The following ADAMTSL3 variants were observed in gnomAD, a reference collection of about 807,000 sequenced individuals.
ADAMTSL3 encodes ADAMTS like 3.
In ADAMTSL3, 128 loss-of-function variants were observed where a neutral mutation model predicts 201.7. The observed-to-expected ratio is 0.63, with a 90% CI of 0.55 to 0.73. The LOEUF is 0.73. ADAMTSL3 is among the 30% of genes least tolerant of loss of function. The probability of loss-of-function intolerance (pLI) is 0.00; values close to 1 mark genes in which losing one functional copy is unlikely to be tolerated. For synonymous variants in ADAMTSL3, 738 were observed against 748.4 expected, an observed-to-expected ratio of 0.99 and a Z score of 0.23; for missense variants, 1,990 against 2,119.6, an observed-to-expected ratio of 0.94 and a Z score of 1.20.
At chr15:83,745,838 A>G (rs547439318) in intron 3 of ADAMTSL3, among the ~76,000 whole-genome samples, 200 of 152,334 alleles carry the variant, frequency 1.3e-3, no homozygotes, top group African/African-American at 4.6e-3. Context: ...ATGCAATCTC[A>G]TAAGTGCCTG....
intron 2 of ADAMTSL3, among the ~76,000 whole-genome samples, chr15:83,702,830 G>T (rs2061795101): frequency 6.6e-6 from 1 of 152,164 alleles, no homozygotes; most frequent in Non-Finnish European, 1.5e-5. Context: ...AGTTCCTACT[G>T]GGGCACTGCC....
At chr15:84,028,621 C>T (rs1419539189) in intron 27 of ADAMTSL3, among the ~76,000 whole-genome samples, 2 of 152,114 alleles carry the variant, frequency 1.3e-5, no homozygotes, top group Non-Finnish European at 2.9e-5. Flanking sequence ...TAAGCATAGT[C>T]ATTTCCGGAC....
At chr15:83,742,953 A>G (rs1029692735) in intron 3 of ADAMTSL3, among the ~76,000 whole-genome samples, 1 of 152,146 alleles carries the variant, frequency 6.6e-6, no homozygotes, top group African/African-American at 2.4e-5. Context: ...TTTTAATTTC[A>G]TTATACTTTC....
intron 19 of ADAMTSL3, among the ~76,000 whole-genome samples, chr15:83,956,338 T>C (rs1229655370): frequency 6.6e-6 from 1 of 152,224 alleles, no homozygotes; most frequent in Non-Finnish European, 1.5e-5. Flanking sequence ...TTCTGCCTTC[T>C]TCAGTGCCTC....
intron 4 of ADAMTSL3, among the ~76,000 whole-genome samples, chr15:83,796,791 C>T (rs1487172526): frequency 1.3e-5 from 2 of 151,958 alleles, no homozygotes; most frequent in Non-Finnish European, 2.9e-5. Context: ...TGAAAGTGGC[C>T]CTGTAAATCA....
intron 15 of ADAMTSL3, among the ~76,000 whole-genome samples, chr15:83,912,528 C>T (rs999367066): frequency 6.6e-6 from 1 of 152,108 alleles, no homozygotes; most frequent in Non-Finnish European, 1.5e-5. Context: ...CAAGATTGTG[C>T]AATATTTCTT....
intron 3 of ADAMTSL3, among the ~76,000 whole-genome samples, chr15:83,716,224 C>T (rs949880053): frequency 1.1e-4 from 17 of 152,104 alleles, no homozygotes; most frequent in African/African-American, 2.2e-4. Context: ...ATTCTTAGGC[C>T]GGGCACGGTA....
In ADAMTSL3 at chr15:84,006,031, T is replaced by A. The variant is rs147967803; in HGVS notation, c.3974-8511T>A. Among the ~76,000 whole-genome samples the A allele has an allele frequency of 1.2e-3, 187 of 152,262 alleles. 2 individuals carry two copies. The highest frequency in any genetic ancestry group is 1.9e-3 in the Non-Finnish European group (131 of 68,020). On this transcript the variant is annotated intron_variant, in intron 23 of 29. Transcript: ENST00000286744. ...GTATTTTTCAAAAAGAACAAAAGGG[T>A]ATGCAGTTAACTCAGAAGAGGAACG...
intron 5 of ADAMTSL3, among the ~76,000 whole-genome samples, chr15:83,810,904 A>G (rs1161661359): frequency 6.6e-6 from 1 of 152,010 alleles, no homozygotes; most frequent in Non-Finnish European, 1.5e-5. Flanking sequence ...ATGCCCAGCT[A>G]ATTTTTGTAT....
At chr15:83,659,209 G>C (rs968821288) in intron 2 of ADAMTSL3, among the ~76,000 whole-genome samples, 1 of 152,152 alleles carries the variant, frequency 6.6e-6, no homozygotes, top group Non-Finnish European at 1.5e-5. Flanking sequence ...ATATCTACTG[G>C]AACAGATCCC....
At chr15:83,986,820 G>T (rs1170886316) in intron 21 of ADAMTSL3, among the ~76,000 whole-genome samples, 1 of 152,186 alleles carries the variant, frequency 6.6e-6, no homozygotes, top group Non-Finnish European at 1.5e-5. Context: ...TAGAGATGGT[G>T]CCTATAGAAA....
At chr15:83,810,383 G>A (rs747397269) in intron 5 of ADAMTSL3, among the ~76,000 whole-genome samples, 7 of 152,216 alleles carry the variant, frequency 4.6e-5, no homozygotes, top group Non-Finnish European at 8.8e-5. Context: ...CAGTGCCAAC[G>A]TAGTCTAGCC....
intron 3 of ADAMTSL3, among the ~76,000 whole-genome samples, chr15:83,726,321 A>G (rs923343129): frequency 6.6e-6 from 1 of 152,088 alleles, no homozygotes; most frequent in African/African-American, 2.4e-5. Flanking sequence ...TTCCAAATAT[A>G]AGATCATATC....
At position 83,681,406 on chromosome 15, in the gene ADAMTSL3, G is replaced by A. The variant is rs76789978; in HGVS notation, c.70-22983G>A. On this transcript the variant is annotated intron_variant, in intron 2 of 29. Coordinates refer to ENST00000286744, the MANE Select transcript of ADAMTSL3 (RefSeq NM_207517.3). ...TACTTAACTTCAAAGGGATGGGGTC[G>A]TGCACTTCTATCATGGACCCAGGAG... 2.3e-3 allele frequency among the ~76,000 whole-genome samples: 355 copies of A among 152,274 alleles called. 1 individual carries two copies. Among genetic ancestry groups the A allele is most frequent in the African/African-American group, 8.2e-3 (339 of 41,558 alleles).
intron 23 of ADAMTSL3, among the ~76,000 whole-genome samples, chr15:83,992,336 T>A (rs2067596168): frequency 6.6e-6 from 1 of 152,194 alleles, no homozygotes; most frequent in Non-Finnish European, 1.5e-5. Flanking sequence ...AGATATTGTT[T>A]TTCACCCCTT....
chr15:83,959,636 G>T (rs148232330), intron 19 of ADAMTSL3, among the ~76,000 whole-genome samples: 70 of 152,304 alleles, frequency 4.6e-4, no homozygotes, highest in Non-Finnish European at 7.3e-5. Context: ...AAAGGCCACA[G>T]GCAAATAGTT....
intron 4 of ADAMTSL3, among the ~76,000 whole-genome samples, chr15:83,782,485 A>C (rs192237288): frequency 2.6e-5 from 4 of 152,270 alleles, no homozygotes; most frequent in Admixed American, 2.6e-4. Flanking sequence ...TCCTCAAAAA[A>C]CAAATTGTAA....
chr15:83,663,298 C>T (rs1210111932), intron 2 of ADAMTSL3, among the ~76,000 whole-genome samples: 1 of 152,168 alleles, frequency 6.6e-6, no homozygotes, highest in Admixed American at 6.5e-5. Flanking sequence ...CTTGCAGCCG[C>T]CCCCAATCTC....
chr15:83,929,767 CAGAG>C (rs890143915), intron 17 of ADAMTSL3, among the ~76,000 whole-genome samples: 73 of 150,946 alleles, frequency 4.8e-4, no homozygotes, highest in Admixed American at 3.8e-3. Context: ...CAGAGAGAGA[CAGAG>C]AGACAGAGAC....
Sources: allele counts gnomAD v4.1 joint callset (sites outside exome capture counted in the v4.1 genomes callset), GRCh38; gene constraint gnomAD v4.1.1; transcripts MANE v1.5; gene names NCBI Gene and HGNC (gene_info 2026-07-23, HGNC 2026-07-21).